The following HNF1A variants were observed in gnomAD, a reference collection of about 807,000 sequenced individuals.
The protein encoded by HNF1A is hepatocyte nuclear factor 1-alpha.
Under a neutral mutation model 62.2 loss-of-function variants are expected in HNF1A, and 21 were observed. That is an observed-to-expected ratio of 0.34 (90% CI 0.24 to 0.49). The LOEUF (loss-of-function observed/expected upper bound fraction) is 0.49. Among genes scored for constraint, HNF1A ranks in the 20% least tolerant of loss-of-function variants. The pLI, the probability that HNF1A is intolerant of heterozygous loss-of-function variation, is 0.99. For missense variants in HNF1A, 687 were observed against 832.3 expected (o/e 0.83, Z 2.15); for synonymous variants, 374 against 366.8 (o/e 1.02, Z -0.22).
rs761971885 is a variant in HNF1A, at chr12:120,993,504, C to T, written c.527-16C>T. The stretch of plus-strand genomic sequence containing the variant: ...AGAGTGGCCAGTACCCCACTCACGG[C>T]TTTCTGTGCCTGCAGAGTTCACCCA... On this transcript the variant is annotated splice_polypyrimidine_tract_variant and intron_variant, in intron 2 of 9. Coordinates refer to ENST00000257555, the MANE Select transcript of HNF1A (RefSeq NM_000545.8). 2.5e-6 allele frequency: 4 copies of T among 1,613,360 alleles called. No homozygotes were observed. Among genetic ancestry groups the T allele is most frequent in the East Asian group, 2.2e-5 (1 of 44,900 alleles).
chr12:120,997,397 T>C (rs1877164380), intron 6 of HNF1A, 77 bp from the exon 7 acceptor site: 3 of 1,456,160 alleles, frequency 2.1e-6, no homozygotes, highest in Non-Finnish European at 2.8e-6. Flanking sequence ...GAAGGAGAGG[T>C]GGTGCCCTTG....
At position 120,988,849 on chromosome 12, in the gene HNF1A, G is replaced by T. The variant is rs1876667856; in HGVS notation, c.343G>T (p.Val115Leu). The T allele has an allele frequency of 6.2e-7, 1 of 1,614,232 alleles. No homozygotes were observed. Among genetic ancestry groups the T allele is most frequent in the Non-Finnish European group, 8.5e-7 (1 of 1,180,046 alleles). The change falls in exon 2 of 10, where the codon GTG becomes TTG. Residue 115 changes from valine to leucine, a missense_variant. This residue lies in a region of HNF1A where 159 missense variants were observed against 154.4 expected (regional missense o/e 1.03). Coordinates refer to ENST00000257555, the MANE Select transcript of HNF1A (RefSeq NM_000545.8). ...ETLLQEDPWR[V>L]AKMVKSYLQQ... Reference sequence around the variant, plus strand: ...CTCTCCCAGGGAGGACCCGTGGCGTGTGGCGAAGATGGTCAAGTCCTACCT... The same window carrying T: ...CTCTCCCAGGGAGGACCCGTGGCGTTTGGCGAAGATGGTCAAGTCCTACCT...
In HNF1A at chr12:121,001,207, CCCTGGGG is replaced by C. The variant is rs1253008406; in HGVS notation, c.*20_*26del. On this transcript the variant is annotated 3_prime_UTR_variant, in exon 10 of 10. Transcript: ENST00000257555. ...CCTCCCAGTAACCACGGCACCTGGG[CCCTGGGG>C]CCTGTACTGCCTGCTTGGGGGGTGA... 1.2e-6 allele frequency: 2 copies of C among 1,613,556 alleles called. No individual in the cohort carries two copies. The highest frequency in any genetic ancestry group is 1.7e-5 in the Admixed American group (1 of 59,984).
Position 120,998,046 on chromosome 12 carries a change from G to A in HNF1A, c.1501+381G>A, listed in dbSNP as rs1293369979. On this transcript the variant is annotated intron_variant, in intron 7 of 9. Coordinates refer to ENST00000257555, the MANE Select transcript of HNF1A (RefSeq NM_000545.8). ...TGTAATCCCAGCACTTTGGAAGGCC[G>A]AGGTGGGCAGATCACTTGAGGTCAG... 3.5e-5 allele frequency: 17 copies of A among 485,006 alleles called. 1 individual carries two copies. Among genetic ancestry groups the A allele is most frequent in the South Asian group, 2.9e-4 (14 of 47,598 alleles). 30.0% of individuals were successfully genotyped at this position (485,006 alleles called of 1,614,324 possible).
intron 1 of HNF1A, among the ~76,000 whole-genome samples, chr12:120,984,100 C>T (rs749537899): frequency 1.3e-5 from 2 of 152,080 alleles, no homozygotes; most frequent in Non-Finnish European, 2.9e-5. Context: ...CCTCTTGGTT[C>T]TCTGACTCCT....
chr12:121,000,602 G>A (rs1877390599), intron 9 of HNF1A: 1 of 237,670 alleles, frequency 4.2e-6, no homozygotes, highest in African/African-American at 2.3e-5. Context: ...CTGCAGCCTT[G>A]AGGCAGAATT....
chr12:120,993,701 C>T lies in HNF1A; in HGVS notation c.708C>T (p.Cys236=), dbSNP rs1876939520. The change falls in exon 3 of 10, where the codon TGC becomes TGT. Residue 236 remains cysteine, a synonymous_variant. Transcript: ENST00000257555. ...AGCGAGAGACGCTAGTGGAGGAGTG[C>T]AATAGGTACAACGGCGGGCGGGAAA... ...KEERETLVEE[C]NRAECIQRGV... The T allele has an allele frequency of 6.2e-7, 1 of 1,613,678 alleles. No individual in the cohort carries two copies. The highest frequency in any genetic ancestry group is 2.2e-5 in the East Asian group (1 of 44,880).
chr12:120,993,549 A>G lies in HNF1A; in HGVS notation c.556A>G (p.Ile186Val). ...CACCCATGCAGGGCAGGGAGGGCTG[A>G]TTGAAGAGCCCACAGGTGATGAGCT... ...QFTHAGQGGL[I>V]EEPTGDELPT... is the part of the protein sequence containing the mutation. The change falls in exon 3 of 10, where the codon ATT becomes GTT. Residue 186 changes from isoleucine (I) to valine (V), a missense_variant. Ile to Val is a conservative substitution (Grantham distance 29, BLOSUM62 3). Coordinates refer to ENST00000257555, the MANE Select transcript of HNF1A (RefSeq NM_000545.8). The G allele has an allele frequency of 6.2e-7, 1 of 1,614,156 alleles. No individual in the cohort carries two copies. Among genetic ancestry groups the G allele is most frequent in the Non-Finnish European group, 8.5e-7 (1 of 1,180,012 alleles).
Position 120,996,194 on chromosome 12 carries a change from G to A in HNF1A, c.956-68G>A. On this transcript the variant is annotated intron_variant, in intron 4 of 9. Coordinates refer to ENST00000257555, the MANE Select transcript of HNF1A (RefSeq NM_000545.8). The surrounding 1 kb of genome is among the most constrained non-coding windows in gnomAD (Gnocchi z 4.5). The stretch of plus-strand genomic sequence containing the variant: ...GCAAACCAATGGAGTTTGAAGTGCT[G>A]AGGGCTGTGGAGGCAGGGGAGGGCA... 6.3e-7 allele frequency: 1 copy of A among 1,583,792 alleles called. No homozygotes were observed. Among genetic ancestry groups the A allele is most frequent in the Non-Finnish European group, 8.7e-7 (1 of 1,155,796 alleles).
Position 121,000,998 on chromosome 12 carries a change from A to G in HNF1A, c.1769-67A>G. 2.5e-6 allele frequency: 4 copies of G among 1,603,664 alleles called. No homozygotes were observed. In the South Asian group the frequency reaches 3.3e-5, roughly 13 times the overall value. On this transcript the variant is annotated intron_variant, in intron 9 of 9. Coordinates refer to ENST00000257555, the MANE Select transcript of HNF1A (RefSeq NM_000545.8). ...CTGCCTCCCCATCCTGAGTACCCCT[A>G]GGGACAGGCAGGTGGGGTGGGTGTG...
intron 9 of HNF1A, chr12:121,000,589 A>C: frequency 4.4e-6 from 1 of 225,266 alleles, no homozygotes; most frequent in South Asian, 6.4e-5. Flanking sequence ...TGGGGAGTGA[A>C]TTCTGCAGCC....
At chr12:120,999,184 G>T (rs961733104) in intron 7 of HNF1A, 84 bp from the exon 8 acceptor site, 1 of 1,544,188 alleles carries the variant, frequency 6.5e-7, no homozygotes, top group African/African-American at 1.4e-5. Flanking sequence ...CAGGCCCCAT[G>T]CCCCCCTTTC....
intron 4 of HNF1A, among the ~76,000 whole-genome samples, chr12:120,994,690 TCACTCCACTCAACTCCACTCCATC>T (rs1008677611): frequency 1.4e-5 from 2 of 147,374 alleles, no homozygotes; most frequent in Admixed American, 6.7e-5. Context: ...TCTACTCCAT[TCACTCCACTCAACTCCACTCCATC>T]CACTCCACTC....
intron 7 of HNF1A, 175 bp downstream of exon 7, chr12:120,997,840 CTG>C (rs766980122): frequency 1.2e-5 from 9 of 754,352 alleles, no homozygotes; most frequent in South Asian, 1.2e-4. Context: ...ATGCACGTAT[CTG>C]TGTGTGTGCA....
Position 121,001,998 on chromosome 12 carries a change from TGTGGGAGCCTCGCAACCC to T in HNF1A, c.*810_*827del. The T allele has an allele frequency of 1.9e-6, 1 of 536,618 alleles. No homozygotes were observed. Among genetic ancestry groups the T allele is most frequent in the South Asian group, 1.5e-5 (1 of 65,224 alleles). The allele number at this position is 536,618 out of a possible 1,614,324, so 33.2% of individuals were successfully genotyped here. On this transcript the variant is annotated 3_prime_UTR_variant, in exon 10 of 10. Coordinates refer to ENST00000257555, the MANE Select transcript of HNF1A (RefSeq NM_000545.8). ...GGGGCTGGGAAGTCGTCCTTACTCC[TGTGGGAGCCTCGCAACCC>T]GTGCCAAGTCCAGGTCCTGGTGGGG...
rs185052570 is a variant in HNF1A, at chr12:120,993,721, G to A, written c.713+15G>A. ...GAGTGCAATAGGTACAACGGCGGGCGGGAAACAGTGCTGGTTTGGTCTGGG... is the reference window on the plus strand; with the variant it reads ...GAGTGCAATAGGTACAACGGCGGGCAGGAAACAGTGCTGGTTTGGTCTGGG... On this transcript the variant is annotated intron_variant, in intron 3 of 9. Transcript: ENST00000257555. 1.1e-5 allele frequency: 17 copies of A among 1,612,716 alleles called. No individual in the cohort carries two copies. The Admixed American group carries it at 1.2e-4, about 11-fold the overall frequency.
At chr12:120,990,852 G>A (rs1168054883) in intron 2 of HNF1A, among the ~76,000 whole-genome samples, 2 of 152,154 alleles carry the variant, frequency 1.3e-5, no homozygotes, top group Non-Finnish European at 2.9e-5. Flanking sequence ...TATCCTTCCA[G>A]AGAGATTTTC....
intron 2 of HNF1A, 33 bp from the exon 3 acceptor site, chr12:120,993,487 C>T: frequency 6.2e-7 from 1 of 1,606,080 alleles, no homozygotes; most frequent in Admixed American, 1.7e-5. Context: ...TGAGAGTGGC[C>T]AGTACCCCAC....
In HNF1A at chr12:120,997,548, G is replaced by A. The variant is rs762446965; in HGVS notation, c.1384G>A (p.Val462Ile). 99 of 1,613,358 alleles carry A rather than the reference G, an allele frequency of 6.1e-5. No individual in the cohort carries two copies. Among genetic ancestry groups the A allele is most frequent in the Non-Finnish European group, 8.1e-5 (96 of 1,180,016 alleles). Residue 462 changes from valine to isoleucine, a missense_variant, in exon 7 of 10, where the codon GTC becomes ATC. By Grantham distance (29) the Val-to-Ile change is conservative. Coordinates refer to ENST00000257555, the MANE Select transcript of HNF1A (RefSeq NM_000545.8). The part of the protein sequence containing the change: ...MGSSLTTLQP[V>I]QFSQPLHPSY... ...CAGCAGCCTGACCACCCTGCAGCCC[G>A]TCCAGTTCTCCCAGCCGCTGCACCC...
Sources: allele counts gnomAD v4.1 joint callset (sites outside exome capture counted in the v4.1 genomes callset), GRCh38; gene constraint gnomAD v4.1.1; regional missense constraint gnomAD v4.1.1; non-coding constraint Gnocchi (gnomAD v3.1); transcripts MANE v1.5; gene names NCBI Gene and HGNC (gene_info 2026-07-23, HGNC 2026-07-21).